The following LMOD1 variants were observed in gnomAD, a reference collection of about 807,000 sequenced individuals.
LMOD1 encodes the protein leiomodin 1, also known as leiomodin-1.
A neutral mutation model predicts 36.5 loss-of-function variants in LMOD1; 8 were observed. The ratio of observed to expected loss-of-function variants is 0.22; its 90% confidence interval spans 0.13 to 0.40. The LOEUF is 0.40. LMOD1 is among the 10% of genes least tolerant of loss of function. The pLI is 1.00. For synonymous variants in LMOD1, 284 were observed against 288.7 expected (o/e 0.98, Z 0.17); for missense variants, 630 against 751.1 (o/e 0.84, Z 1.88).
Position 201,896,612 on chromosome 1 carries a change from C to A in LMOD1, c.*1760G>T, listed in dbSNP as rs74356293. The stretch of plus-strand genomic sequence containing the variant: ...CATCTAGCTAGTGCCCAGTGCCCAG[C>A]AGGCACAGGGGGGTGCAGTGGGACT... On this transcript the variant is annotated 3_prime_UTR_variant, in exon 3 of 3. Transcript: ENST00000367288. 609 of 456,746 alleles carry A rather than the reference C, an allele frequency of 1.3e-3. 3 individuals carry two copies. Among genetic ancestry groups the A allele is most frequent in the African/African-American group, 0.011 (557 of 50,188 alleles). The allele number at this position is 456,746 out of a possible 1,614,324, so 28.3% of individuals were successfully genotyped here.
intron 1 of LMOD1, among the ~76,000 whole-genome samples, chr1:201,936,647 C>T (rs2102929871): frequency 6.6e-6 from 1 of 152,236 alleles, no homozygotes; most frequent in Non-Finnish European, 1.5e-5. Context: ...TTAGAATCTG[C>T]TCAAATGGGC....
rs368723470 is a variant in LMOD1, at chr1:201,899,422, G to A, written c.1591C>T (p.Pro531Ser). ...PKNSPKKGGA[P>S]AAPPPPPPPL... ...GGGGGAGGGGGTGGTGGGGCAGCTG[G>A]AGCACCCCCTTTTTTGGGTGAGTTC... is the stretch of plus-strand genomic sequence containing the variant. Residue 531 changes from proline to serine, a missense_variant, in exon 2 of 3, where the codon CCA (proline) becomes TCA (serine). By Grantham distance (74) the Pro-to-Ser change is moderately conservative. Coordinates refer to ENST00000367288, the MANE Select transcript of LMOD1 (RefSeq NM_012134.3). The surrounding 1 kb of genome is among the most constrained non-coding windows in gnomAD (Gnocchi z 6.3). The A allele has an allele frequency of 2.9e-5, 46 of 1,613,578 alleles. No individual in the cohort carries two copies. Among genetic ancestry groups the A allele is most frequent in the Non-Finnish European group, 8.5e-6 (10 of 1,179,684 alleles).
At chr1:201,918,581 T>C (rs892088090) in intron 1 of LMOD1, among the ~76,000 whole-genome samples, 2 of 152,182 alleles carry the variant, frequency 1.3e-5, no homozygotes, top group African/African-American at 4.8e-5. Flanking sequence ...TGCTGGGCTC[T>C]CTTGGGTCTT....
intron 2 of LMOD1, among the ~76,000 whole-genome samples, chr1:201,898,653 C>T (rs999103466): frequency 6.6e-6 from 1 of 152,118 alleles, no homozygotes; most frequent in East Asian, 1.9e-4. Context: ...GGTATCCAAC[C>T]AAATGGACAA....
Position 201,899,354 on chromosome 1 carries a change from T to G in LMOD1, c.1659A>C (p.Ser553=), listed in dbSNP as rs1681248922. The change falls in exon 2 of 3, where the codon TCA becomes TCC. Residue 553 remains serine, a synonymous_variant. Coordinates refer to ENST00000367288, the MANE Select transcript of LMOD1 (RefSeq NM_012134.3). The surrounding 1 kb of genome is among the most constrained non-coding windows in gnomAD (Gnocchi z 6.3). ...PPLIMENLKN[S]LSPATQRKMG... is the part of the protein sequence containing the mutation. ...TCTTCCTCTGGGTAGCTGGTGAGAG[T>G]GAATTCTTCAGGTTCTCCATGATAA... is the stretch of plus-strand genomic sequence containing the variant. 1.2e-6 allele frequency: 2 copies of G among 1,608,470 alleles called. No individual in the cohort carries two copies. The highest frequency in any genetic ancestry group is 2.2e-5 in the South Asian group (2 of 90,608).
chr1:201,903,154 T>C (rs781061501), intron 1 of LMOD1, among the ~76,000 whole-genome samples: 1 of 152,162 alleles, frequency 6.6e-6, no homozygotes, highest in Non-Finnish European at 1.5e-5. Context: ...GCCGAGGGAA[T>C]GGAAAGAAAA....
rs71141422 is a variant in LMOD1 at position 201,901,583 on chromosome 1, TAC to T, written c.262-834_262-833del. 3.1e-3 allele frequency among the ~76,000 whole-genome samples: 57 copies of T among 18,360 alleles called. 1 individual carries two copies. The highest frequency in any genetic ancestry group is 6.8e-3 in the Admixed American group (7 of 1,034). 12.0% of individuals were successfully genotyped at this position (18,360 alleles called of 152,430 possible). A position where few individuals can be genotyped will look rare whatever the true frequency, so the allele number is the denominator to read the frequency against. On this transcript the variant is annotated intron_variant, in intron 1 of 2. Coordinates refer to ENST00000367288, the MANE Select transcript of LMOD1 (RefSeq NM_012134.3). ...ATATATGTATATATATATATATATA[TAC>T]ATATATATATGTATATATATATATA...
intron 1 of LMOD1, among the ~76,000 whole-genome samples, chr1:201,914,345 G>A (rs1347852046): frequency 1.3e-5 from 2 of 152,120 alleles, no homozygotes; most frequent in Admixed American, 1.3e-4. Flanking sequence ...AGAAGGCCAG[G>A]GTTCCACACT....
At chr1:201,925,685 C>A (rs1049738271) in intron 1 of LMOD1, among the ~76,000 whole-genome samples, 3 of 123,720 alleles carry the variant, frequency 2.4e-5, no homozygotes, top group African/African-American at 8.9e-5. Context: ...TTTTTTCAAT[C>A]TCTTTCTCTT....
chr1:201,928,390 C>T (rs1280747530), intron 1 of LMOD1, among the ~76,000 whole-genome samples: 2 of 152,318 alleles, frequency 1.3e-5, no homozygotes, highest in East Asian at 3.9e-4. Flanking sequence ...ACTACTTGGG[C>T]GTCAGAAAGG....
intron 1 of LMOD1, among the ~76,000 whole-genome samples, chr1:201,931,276 T>TGTAA (rs1490725037): frequency 6.6e-6 from 1 of 152,220 alleles, no homozygotes; most frequent in African/African-American, 2.4e-5. Context: ...GGCTCACGCC[T>TGTAA]GTAATTCCAA....
At chr1:201,938,354 C>T (rs1038236741) in intron 1 of LMOD1, among the ~76,000 whole-genome samples, 1 of 152,126 alleles carries the variant, frequency 6.6e-6, no homozygotes, top group Non-Finnish European at 1.5e-5. Context: ...GTCTCAAACT[C>T]CCCACCTCAG....
Position 201,896,741 on chromosome 1 carries a change from G to A in LMOD1, c.*1631C>T. On this transcript the variant is annotated 3_prime_UTR_variant, in exon 3 of 3. Coordinates refer to ENST00000367288, the MANE Select transcript of LMOD1 (RefSeq NM_012134.3). ...GTCTGTCTCCTCTCCTCTGGGCCCA[G>A]TGATTGCTTAGGTGACTGGGGTGAC... is the stretch of plus-strand genomic sequence containing the variant. 1 of 455,994 alleles carries A rather than the reference G, an allele frequency of 2.2e-6. No homozygotes were observed. Among genetic ancestry groups the A allele is most frequent in the South Asian group, 1.5e-5 (1 of 64,542 alleles). The allele number at this position is 455,994 out of a possible 1,614,324, so 28.2% of individuals were successfully genotyped here.
chr1:201,927,247 C>T (rs1174930520), intron 1 of LMOD1, among the ~76,000 whole-genome samples: 2 of 152,146 alleles, frequency 1.3e-5, no homozygotes, highest in African/African-American at 2.4e-5. Context: ...GTCTTTAGTA[C>T]TCTGGGATCA....
intron 1 of LMOD1, among the ~76,000 whole-genome samples, chr1:201,937,653 C>T (rs988046815): frequency 6.6e-6 from 1 of 152,084 alleles, no homozygotes; most frequent in East Asian, 1.9e-4. Context: ...GTAGTCCCAG[C>T]TACTCTGGGG....
chr1:201,914,008 G>A (rs554455471), intron 1 of LMOD1, among the ~76,000 whole-genome samples: 1 of 152,262 alleles, frequency 6.6e-6, no homozygotes, highest in South Asian at 2.1e-4. Flanking sequence ...CTTTGGGAGT[G>A]TAGATGGACC....
intron 1 of LMOD1, among the ~76,000 whole-genome samples, chr1:201,911,246 C>A (rs1558236866): frequency 6.6e-6 from 1 of 152,190 alleles, no homozygotes; most frequent in African/African-American, 2.4e-5. Context: ...GGAAGTTTCT[C>A]CAGCATTCCC....
Position 201,897,347 on chromosome 1 carries a change from TG to T in LMOD1, c.*1024del, listed in dbSNP as rs1344322294. On this transcript the variant is annotated 3_prime_UTR_variant, in exon 3 of 3. Transcript: ENST00000367288. ...CATCCCAGCACCCTGGGCTCCACTC[TG>T]CCCCAGCACCCCTGAGAACAACTCT... 1 of 158,152 alleles carries T rather than the reference TG, an allele frequency of 6.3e-6. No individual in the cohort carries two copies. Among genetic ancestry groups the T allele is most frequent in the Non-Finnish European group, 1.4e-5 (1 of 71,186 alleles). The allele number at this position is 158,152 out of a possible 1,614,324, so 9.8% of individuals were successfully genotyped here.
intron 1 of LMOD1, among the ~76,000 whole-genome samples, chr1:201,928,166 T>C (rs1681861056): frequency 6.6e-6 from 1 of 152,222 alleles, no homozygotes; most frequent in Non-Finnish European, 1.5e-5. Context: ...TTCAAAACCA[T>C]GAGCAAAATG....
Sources: gnomAD v4.1 joint callset for allele counts (sites outside exome capture counted in the v4.1 genomes callset) on GRCh38, gnomAD v4.1.1 for gene constraint, Gnocchi (gnomAD v3.1) non-coding constraint, MANE v1.5 for transcripts, NCBI Gene and HGNC (gene_info 2026-07-23, HGNC 2026-07-21) for gene names.